CRB2: variants seen among roughly 807,000 people sequenced by gnomAD.
The protein encoded by CRB2 is crumbs cell polarity complex component 2.
In CRB2, 85 loss-of-function variants were observed where a neutral mutation model predicts 110.9. That is an observed-to-expected ratio of 0.77 (90% CI 0.64 to 0.92). The LOEUF (loss-of-function observed/expected upper bound fraction) is 0.92, where lower values mean the gene tolerates loss of function less well. CRB2 is among the 40% of genes least tolerant of loss of function. CRB2 has a pLI of 0.00. For synonymous variants in CRB2, 907 were observed against 831.0 expected (o/e 1.09, Z -1.57); for missense variants, 1,843 against 1,851.3 (o/e 1.00, Z 0.08).
At chr9:123,369,147 C>T (rs2041978818) in intron 6 of CRB2, among the ~76,000 whole-genome samples, 1 of 152,084 alleles carries the variant, frequency 6.6e-6, no homozygotes, top group Admixed American at 6.5e-5. Context: ...GGCCTGAGCA[C>T]CTGAAGGGAT....
At chr9:123,359,683 G>A (rs746308396) in intron 1 of CRB2, among the ~76,000 whole-genome samples, 4 of 151,994 alleles carry the variant, frequency 2.6e-5, no homozygotes, top group Admixed American at 1.3e-4. Flanking sequence ...CTCCTGGCCT[G>A]AAGTGATCCT....
At chr9:123,375,496 C>G (rs552860411) in intron 12 of CRB2, among the ~76,000 whole-genome samples, 153 bp downstream of exon 12, 1 of 152,154 alleles carries the variant, frequency 6.6e-6, no homozygotes, top group African/African-American at 2.4e-5. Flanking sequence ...CCTTCCACAC[C>G]CCCCACACAA....
intron 1 of CRB2, among the ~76,000 whole-genome samples, chr9:123,362,253 C>T (rs10985991): frequency 0.45 from 68,937 of 151,916 alleles, 16,191 homozygotes; most frequent in Admixed American, 0.51. Context: ...GAGGTCGGGC[C>T]CATCTCCAGT....
intron 1 of CRB2, among the ~76,000 whole-genome samples, chr9:123,358,442 A>C (rs924336134): frequency 4.6e-5 from 7 of 152,274 alleles, no homozygotes; most frequent in South Asian, 4.1e-4. Context: ...CTCCAGCCAG[A>C]AGGGGGTGGG....
At chr9:123,367,767 G>A (rs2041959270) in intron 6 of CRB2, 81 bp downstream of exon 6, 15 of 933,560 alleles carry the variant, frequency 1.6e-5, no homozygotes, top group Non-Finnish European at 2.3e-5. Context: ...TGGATGTGTG[G>A]ATTGATGGGG....
chr9:123,371,309 G>T lies in CRB2; in HGVS notation c.2167G>T (p.Asp723Tyr). The T allele has an allele frequency of 6.2e-7, 1 of 1,611,858 alleles. No individual in the cohort carries two copies. Among genetic ancestry groups the T allele is most frequent in the Non-Finnish European group, 8.5e-7 (1 of 1,178,670 alleles). Residue 723 changes from aspartate to tyrosine, a missense_variant, in exon 8 of 13, where the codon GAT (aspartate) becomes TAT (tyrosine). Physicochemically the swap from Asp to Tyr is radical, Grantham distance 160. Transcript: ENST00000373631. ...TGTAGTGCTCCCTGGGCGCTGGGAT[G>T]ATGGGCTCCGTCACCTGGTGATGCT... Reference protein sequence around the residue: ...PAVVLPGRWDDGLRHLVMLSF... With the variant: ...PAVVLPGRWDYGLRHLVMLSF...
At chr9:123,379,095 G>A (rs2042159057), downstream of CRB2, among the ~76,000 whole-genome samples, 4 of 138,882 alleles carry the variant, frequency 2.9e-5, no homozygotes, top group Admixed American at 7.5e-5. Flanking sequence ...GTGAGCCACC[G>A]CGCCCGGCCC....
chr9:123,358,136 G>A lies in CRB2; in HGVS notation c.94+1782G>A, dbSNP rs543426949. Among the ~76,000 whole-genome samples, 244 of 152,324 alleles carry A rather than the reference G, an allele frequency of 1.6e-3. 1 individual carries two copies. The highest frequency in any genetic ancestry group is 5.6e-3 in the African/African-American group (232 of 41,584). ...GGTACCCTAGACTGCCTGCCGGGAG[G>A]GGAGGGATTGGGGATTTTGTCACTT... On this transcript the variant is annotated intron_variant, in intron 1 of 12. Transcript: ENST00000373631.
chr9:123,374,019 C>T (rs2042064673), intron 10 of CRB2, 99 bp downstream of exon 10: 5 of 1,423,770 alleles, frequency 3.5e-6, no homozygotes, highest in South Asian at 2.5e-5. Context: ...CTTCCCTTCC[C>T]TGGTCCTCAT....
rs775167408 is a variant in CRB2, at chr9:123,370,320, G to A, written c.1267G>A (p.Val423Ile). 5.5e-5 allele frequency: 88 copies of A among 1,613,488 alleles called. No individual in the cohort carries two copies. Among genetic ancestry groups the A allele is most frequent in the Non-Finnish European group, 6.6e-5 (78 of 1,180,046 alleles). The change falls in exon 7 of 13, where the codon GTC becomes ATC. Residue 423 changes from valine to isoleucine, a missense_variant. Coordinates refer to ENST00000373631, the MANE Select transcript of CRB2 (RefSeq NM_173689.7). ...CTTCGAGTCTGGGGTCCACAGTTAC[G>A]TCTGCCACTGCCCACCTGGTACCCA... ...PIFESGVHSYVCHCPPGTHGP... is the reference protein window; with the variant it reads ...PIFESGVHSYICHCPPGTHGP...
At chr9:123,366,190 A>G (rs1389323105) in intron 3 of CRB2, 37 bp from the exon 4 acceptor site, 4 of 1,385,914 alleles carry the variant, frequency 2.9e-6, no homozygotes, top group Non-Finnish European at 3.7e-6. Flanking sequence ...CAGAAGGGGC[A>G]GGCGCGCGCT....
In CRB2 at chr9:123,370,295, C is replaced by T; in HGVS notation, c.1242C>T (p.Ile414=). ...CGCTGGCTGCCACCTGCATCCCTAT[C>T]TTCGAGTCTGGGGTCCACAGTTACG... ...TCPLAATCIP[I]FESGVHSYVC... is the part of the protein sequence containing the mutation. The change falls in exon 7 of 13, where the codon ATC becomes ATT. Residue 414 remains isoleucine, a synonymous_variant. Coordinates refer to ENST00000373631, the MANE Select transcript of CRB2 (RefSeq NM_173689.7). 6.2e-7 allele frequency: 1 copy of T among 1,613,470 alleles called. No homozygotes were observed.
At chr9:123,376,265 G>T (rs1183614207) in intron 12 of CRB2, among the ~76,000 whole-genome samples, 2 of 152,180 alleles carry the variant, frequency 1.3e-5, no homozygotes, top group Non-Finnish European at 2.9e-5. Flanking sequence ...CCATGCCTCT[G>T]GAATCCTCGC....
chr9:123,357,601 G>T (rs1018662338), intron 1 of CRB2, among the ~76,000 whole-genome samples: 5 of 151,704 alleles, frequency 3.3e-5, no homozygotes, highest in Admixed American at 2.0e-4. Context: ...GGCGACTTGG[G>T]CTCCATAGAG....
Position 123,377,057 on chromosome 9 carries a change from A to G in CRB2, c.3853A>G (p.Ile1285Val). Residue 1285 changes from isoleucine (I) to valine (V), a missense_variant, in exon 13 of 13, where the codon ATC (isoleucine) becomes GTC (valine). Coordinates refer to ENST00000373631, the MANE Select transcript of CRB2 (RefSeq NM_173689.7). ...CAAGGTGCCACCGGAGGAGAGACTC[A>G]TCTAGGCCAGCCTGGCTGCTGGCAC... ...VLKVPPEERL[I>V] 6.4e-7 allele frequency: 1 copy of G among 1,563,026 alleles called. No homozygotes were observed. Among genetic ancestry groups the G allele is most frequent in the Non-Finnish European group, 8.7e-7 (1 of 1,153,216 alleles).
Position 123,377,724 on chromosome 9 carries a change from T to G in CRB2, c.*662T>G, listed in dbSNP as rs1201415646. On this transcript the variant is annotated 3_prime_UTR_variant, in exon 13 of 13. Coordinates refer to ENST00000373631, the MANE Select transcript of CRB2 (RefSeq NM_173689.7). ...GAACAAATGTCCCTTCAGGCAGGTC[T>G]GTCTGCCAGAAGCCAGAGCCAGTCA... 6.6e-6 allele frequency: 1 copy of G among 152,228 alleles called. No individual in the cohort carries two copies. 9.4% of individuals were successfully genotyped at this position (152,228 alleles called of 1,614,324 possible).
rs1467208318 is a variant in CRB2 at position 123,362,285 on chromosome 9, C to T, written c.95-580C>T. On this transcript the variant is annotated intron_variant, in intron 1 of 12. Transcript: ENST00000373631. ...CAGTTTCACCCAGGGATGGAGTTACCAGACCCCTGGCAGAAGAGGTGGAGG... is the reference window on the plus strand; with the variant it reads ...CAGTTTCACCCAGGGATGGAGTTACTAGACCCCTGGCAGAAGAGGTGGAGG... Among the ~76,000 whole-genome samples the T allele has an allele frequency of 2.0e-5, 3 of 152,304 alleles. No individual in the cohort carries two copies. The East Asian group carries it at 5.8e-4, about 29-fold the overall frequency.
Position 123,373,812 on chromosome 9 carries a change from A to T in CRB2, c.3281A>T (p.His1094Leu). The T allele has an allele frequency of 6.3e-7, 1 of 1,587,290 alleles. No homozygotes were observed. The highest frequency in any genetic ancestry group is 8.5e-7 in the Non-Finnish European group (1 of 1,174,526). ...TGGGAAGGCCCGCGCTGCGAAGCCC[A>T]CGTCGACCCCTGTCACTCCGCCCCC... ...PGWEGPRCEAHVDPCHSAPCA... is the reference protein window; with the variant it reads ...PGWEGPRCEALVDPCHSAPCA... Residue 1094 changes from histidine (H) to leucine (L), a missense_variant, in exon 10 of 13, where the codon CAC becomes CTC. Coordinates refer to ENST00000373631, the MANE Select transcript of CRB2 (RefSeq NM_173689.7).
intron 8 of CRB2, among the ~76,000 whole-genome samples, chr9:123,371,917 A>C (rs1286828053): frequency 6.6e-6 from 1 of 152,142 alleles, no homozygotes; most frequent in Non-Finnish European, 1.5e-5. Flanking sequence ...GAATTCCACC[A>C]ACCCTGGAGT....
Sources: allele counts gnomAD v4.1 joint callset (sites outside exome capture counted in the v4.1 genomes callset), GRCh38; gene constraint gnomAD v4.1.1; transcripts MANE v1.5; gene names NCBI Gene and HGNC (gene_info 2026-07-23, HGNC 2026-07-21).